RSPO2: variants seen among roughly 807,000 people sequenced by gnomAD.
RSPO2 encodes R-spondin-2.
A neutral mutation model predicts 30.9 loss-of-function variants in RSPO2; 14 were observed. The ratio of observed to expected loss-of-function variants is 0.45; its 90% CI spans 0.30 to 0.71. The LOEUF (loss-of-function observed/expected upper bound fraction) is 0.71, where lower values mean the gene tolerates loss of function less well. Ranked by LOEUF, RSPO2 falls within the 30% of genes least tolerant of loss-of-function variation. RSPO2 has a pLI of 0.08. For missense variants in RSPO2, 264 were observed against 301.9 expected (o/e 0.87, Z 0.93); for synonymous variants, 107 against 96.4 (o/e 1.11, Z -0.64).
intron 3 of RSPO2, among the ~76,000 whole-genome samples, chr8:107,975,266 T>C (rs1314628615): frequency 6.6e-6 from 1 of 152,230 alleles, no homozygotes; most frequent in African/African-American, 2.4e-5. Context: ...TCATTAAATG[T>C]AAAAATAGTT....
At chr8:107,924,252 A>T (rs1812283176) in intron 5 of RSPO2, among the ~76,000 whole-genome samples, 2 of 152,066 alleles carry the variant, frequency 1.3e-5, no homozygotes, top group African/African-American at 4.8e-5. Flanking sequence ...CACAAAAAGG[A>T]ATGCTGAGGG....
chr8:108,038,011 A>G (rs1586648764), intron 2 of RSPO2, among the ~76,000 whole-genome samples: 1 of 152,310 alleles, frequency 6.6e-6, no homozygotes, highest in East Asian at 1.9e-4. Context: ...TTCAAGTCTT[A>G]TTATTTAATA....
intron 5 of RSPO2, among the ~76,000 whole-genome samples, chr8:107,914,534 T>A (rs1410447207): frequency 6.6e-6 from 1 of 152,094 alleles, no homozygotes; most frequent in Non-Finnish European, 1.5e-5. Flanking sequence ...ACTATGTAAC[T>A]AATCAAAAAC....
chr8:107,922,650 C>A (rs1391807628), intron 5 of RSPO2, among the ~76,000 whole-genome samples: 2 of 151,970 alleles, frequency 1.3e-5, no homozygotes, highest in Admixed American at 6.6e-5. Context: ...CAATCCTAAG[C>A]AAAAAGAACA....
rs573436075 is a variant in RSPO2 at position 108,014,611 on chromosome 8, G to T, written c.95-25367C>A. Among the ~76,000 whole-genome samples, 26 of 151,918 alleles carry T rather than the reference G, an allele frequency of 1.7e-4. No individual in the cohort carries two copies. In the South Asian group the frequency reaches 5.2e-3, roughly 30 times the overall value. ...ACACAGGAACAGAAAACTAAACACC[G>T]CATGTTCTCATTCATAAGTGGGAGT... On this transcript the variant is annotated intron_variant, in intron 2 of 5. Transcript: ENST00000276659.
intron 2 of RSPO2, among the ~76,000 whole-genome samples, chr8:107,989,782 T>C (rs971511603): frequency 6.6e-6 from 1 of 152,184 alleles, no homozygotes; most frequent in Non-Finnish European, 1.5e-5. Context: ...GGGGGCTATA[T>C]GATGTTGACA....
At chr8:107,958,300 A>T in intron 4 of RSPO2, 32 bp from the exon 5 acceptor site, 1 of 1,552,910 alleles carries the variant, frequency 6.4e-7, no homozygotes, top group Non-Finnish European at 8.9e-7. Flanking sequence ...AGAAAAAAAA[A>T]CACAAGCACA....
intron 5 of RSPO2, among the ~76,000 whole-genome samples, chr8:107,930,760 G>A (rs753913314): frequency 2.0e-5 from 3 of 152,100 alleles, no homozygotes; most frequent in Non-Finnish European, 4.4e-5. Context: ...CTGGATTATT[G>A]TCAGAAAGGC....
intron 2 of RSPO2, among the ~76,000 whole-genome samples, chr8:108,031,986 G>T (rs750462936): frequency 1.3e-5 from 2 of 152,132 alleles, no homozygotes; most frequent in Non-Finnish European, 2.9e-5. Context: ...AAGGAAGGTA[G>T]TCACCCAATA....
At position 107,900,857 on chromosome 8, in the gene RSPO2, G is replaced by A. The variant is rs575527352; in HGVS notation, c.*218C>T. ...CTCAGCACACACTGAGCCAAGTCAC[G>A]GGCTGTGCACTTACTCCTGCCTTCA... On this transcript the variant is annotated 3_prime_UTR_variant, in exon 6 of 6. Transcript: ENST00000276659. The A allele has an allele frequency of 2.1e-5, 10 of 465,336 alleles. No individual in the cohort carries two copies. The highest frequency in any genetic ancestry group is 4.0e-5 in the South Asian group (1 of 24,864). The allele number at this position is 465,336 out of a possible 1,614,324, so 28.8% of individuals were successfully genotyped here. A position where few individuals can be genotyped will look rare whatever the true frequency, so the allele number is the denominator to read the frequency against.
chr8:108,001,010 T>C (rs1024810088), intron 2 of RSPO2, among the ~76,000 whole-genome samples: 2 of 141,926 alleles, frequency 1.4e-5, no homozygotes, highest in African/African-American at 2.7e-5. Context: ...CTTAAAAAAA[T>C]AAAAATAAAT....
intron 3 of RSPO2, among the ~76,000 whole-genome samples, chr8:107,970,273 G>A (rs2130468392): frequency 6.6e-6 from 1 of 152,194 alleles, no homozygotes; most frequent in South Asian, 2.1e-4. Flanking sequence ...ATTTTCGTGT[G>A]TCACAAAATA....
intron 4 of RSPO2, 135 bp downstream of exon 4, chr8:107,960,539 G>T: frequency 1.2e-6 from 1 of 831,696 alleles, no homozygotes; most frequent in Non-Finnish European, 1.9e-6. Flanking sequence ...AATCAGCAAA[G>T]AACTTAATTT....
intron 5 of RSPO2, among the ~76,000 whole-genome samples, chr8:107,921,689 T>C (rs1563521470): frequency 6.6e-6 from 1 of 151,898 alleles, no homozygotes; most frequent in Non-Finnish European, 1.5e-5. Context: ...TGAGGAACAT[T>C]GATGCAAAAA....
intron 5 of RSPO2, among the ~76,000 whole-genome samples, chr8:107,938,016 T>G (rs1423056046): frequency 6.6e-6 from 1 of 152,076 alleles, no homozygotes; most frequent in East Asian, 1.9e-4. Flanking sequence ...GAAATGAAAT[T>G]GCAGCATAAA....
chr8:108,055,772 A>G (rs369213170), intron 2 of RSPO2, among the ~76,000 whole-genome samples: 1 of 152,150 alleles, frequency 6.6e-6, no homozygotes, highest in South Asian at 2.1e-4. Flanking sequence ...CACAACAGGA[A>G]CAGGCCAACA....
chr8:107,924,130 G>A (rs925575129), intron 5 of RSPO2, among the ~76,000 whole-genome samples: 6 of 151,334 alleles, frequency 4.0e-5, no homozygotes, highest in African/African-American at 1.5e-4. Flanking sequence ...ATGTAACCAA[G>A]ATACTTTAAG....
At chr8:108,005,291 AT>A (rs1371140555) in intron 2 of RSPO2, among the ~76,000 whole-genome samples, 2 of 151,978 alleles carry the variant, frequency 1.3e-5, no homozygotes, top group African/African-American at 2.4e-5. Flanking sequence ...TAAAGTTGCT[AT>A]TTTTTTCTTC....
At chr8:107,955,187 T>C (rs1234669040) in intron 5 of RSPO2, among the ~76,000 whole-genome samples, 1 of 152,140 alleles carries the variant, frequency 6.6e-6, no homozygotes, top group Non-Finnish European at 1.5e-5. Context: ...CTCACCTTCA[T>C]ATGACAGCCA....
Sources: allele counts gnomAD v4.1 joint callset (sites outside exome capture counted in the v4.1 genomes callset), GRCh38; gene constraint gnomAD v4.1.1; transcripts MANE v1.5; gene names NCBI Gene and HGNC (gene_info 2026-07-23, HGNC 2026-07-21).